The following DIAPH2 variants were observed in gnomAD, a reference collection of about 807,000 sequenced individuals.
DIAPH2 encodes diaphanous related formin 2.
In DIAPH2, 35 loss-of-function variants were observed where a neutral mutation model predicts 92.7. That is an observed-to-expected ratio of 0.38 (90% CI 0.29 to 0.50). The LOEUF (loss-of-function observed/expected upper bound fraction) is 0.50, where lower values mean the gene tolerates loss of function less well. Ranked by LOEUF, DIAPH2 falls within the 20% of genes least tolerant of loss-of-function variation. The pLI is 0.94. For synonymous variants in DIAPH2, 301 were observed against 280.4 expected, an observed-to-expected ratio of 1.07 and a Z score of -0.73; for missense variants, 701 against 819.5, an observed-to-expected ratio of 0.86 and a Z score of 1.77.
chrX:96,950,503 T>C (rs953935968), intron 15 of DIAPH2, among the ~76,000 whole-genome samples: 7 of 111,713 alleles, frequency 6.3e-5, no homozygotes, highest in Non-Finnish European at 1.3e-4. Flanking sequence ...ACTGACAAAT[T>C]AAGCTAGTCA....
chrX:97,144,997 C>T (rs1173920195), intron 22 of DIAPH2, among the ~76,000 whole-genome samples: 1 of 111,607 alleles, frequency 9.0e-6, no homozygotes, highest in Non-Finnish European at 1.9e-5. Flanking sequence ...AAACTCCTGA[C>T]CTTGTGATCC....
At chrX:97,066,675 A>G (rs1167584535) in intron 17 of DIAPH2, among the ~76,000 whole-genome samples, 1 of 112,199 alleles carries the variant, frequency 8.9e-6, no homozygotes, top group Non-Finnish European at 1.9e-5. Flanking sequence ...ATTGAGGCCC[A>G]TTTGAAAATA....
chrX:97,564,099 A>G (rs1439922912), intron 26 of DIAPH2, among the ~76,000 whole-genome samples: 1 of 112,148 alleles, frequency 8.9e-6, no homozygotes, highest in African/African-American at 3.2e-5. Context: ...CAAAACAATT[A>G]GTGCTCTTCT....
At chrX:96,984,927 A>C (rs2066021338) in intron 17 of DIAPH2, among the ~76,000 whole-genome samples, 1 of 111,720 alleles carries the variant, frequency 9.0e-6, no homozygotes, top group Admixed American at 9.6e-5. Flanking sequence ...AACCTGTACG[A>C]CAATGTTGTT....
At chrX:97,320,545 T>C (rs1308054347) in intron 23 of DIAPH2, among the ~76,000 whole-genome samples, 1 of 110,061 alleles carries the variant, frequency 9.1e-6, no homozygotes, top group African/African-American at 3.3e-5. Context: ...TGAAACCCTG[T>C]CTATACTAAA....
intron 17 of DIAPH2, among the ~76,000 whole-genome samples, chrX:97,055,715 G>A (rs944146291): frequency 9.0e-6 from 1 of 111,418 alleles, no homozygotes; most frequent in African/African-American, 3.3e-5. Flanking sequence ...AATATATAAG[G>A]AGTAGGTAGA....
chrX:97,021,159 A>G (rs2066294719), intron 17 of DIAPH2, among the ~76,000 whole-genome samples: 1 of 111,785 alleles, frequency 8.9e-6, no homozygotes, highest in Admixed American at 9.5e-5. Context: ...ACCATCTTTC[A>G]TTCCTCTTAG....
Position 96,956,019 on chromosome X carries a change from A to G in DIAPH2, c.1615-1809A>G, listed in dbSNP as rs190127066. On this transcript the variant is annotated intron_variant, in intron 15 of 26. Coordinates refer to ENST00000324765, the MANE Select transcript of DIAPH2 (RefSeq NM_006729.5). ...CTCTGTGTGGGGGCTCCAACCCCACATTTCCCTTCTGCACTGCCCTAGCAG... is the reference window on the plus strand; with the variant it reads ...CTCTGTGTGGGGGCTCCAACCCCACGTTTCCCTTCTGCACTGCCCTAGCAG... Among the ~76,000 whole-genome samples, 64 of 112,443 alleles carry G rather than the reference A, an allele frequency of 5.7e-4. No homozygotes were observed. The East Asian group carries it at 0.017, about 30-fold the overall frequency.
At chrX:96,775,044 CTT>C (rs887673954) in intron 4 of DIAPH2, among the ~76,000 whole-genome samples, 1 of 110,245 alleles carries the variant, frequency 9.1e-6, no homozygotes, top group Non-Finnish European at 1.9e-5. Flanking sequence ...ATCTTAAAAT[CTT>C]TTTTTTTCTT....
chrX:97,407,440 A>G (rs756200514), intron 25 of DIAPH2, among the ~76,000 whole-genome samples: 2 of 111,757 alleles, frequency 1.8e-5, no homozygotes, highest in Non-Finnish European at 3.8e-5. Flanking sequence ...AAGATACCTT[A>G]CAATTCTCTC....
At chrX:96,968,687 G>A (rs760091329) in intron 17 of DIAPH2, among the ~76,000 whole-genome samples, 1 of 112,158 alleles carries the variant, frequency 8.9e-6, no homozygotes, top group Non-Finnish European at 1.9e-5. Flanking sequence ...CAGGTTGTCT[G>A]TTTATCCTGT....
chrX:96,742,313 A>T (rs981927578), intron 3 of DIAPH2, among the ~76,000 whole-genome samples: 1 of 111,869 alleles, frequency 8.9e-6, no homozygotes, highest in Non-Finnish European at 1.9e-5. Context: ...TTGAAGTCTC[A>T]GCTGGACCAC....
intron 4 of DIAPH2, among the ~76,000 whole-genome samples, chrX:96,846,844 A>G (rs975113534): frequency 1.8e-5 from 2 of 110,122 alleles, no homozygotes; most frequent in African/African-American, 6.6e-5. Flanking sequence ...TTTGACTGAA[A>G]TCACAGTTGT....
At chrX:96,901,532 G>GTTTTTTTTTTTTTTTTTTTTTTTTTT (rs369526046) in intron 5 of DIAPH2, among the ~76,000 whole-genome samples, 3 of 33,081 alleles carry the variant, frequency 9.1e-5, no homozygotes, top group Non-Finnish European at 1.2e-4. Flanking sequence ...TTTTCTTTCT[G>GTTTTTTTTTTTTTTTTTTTTTTTTTT]TTTTTTTTTT....
chrX:96,979,261 C>G (rs956127847), intron 17 of DIAPH2, among the ~76,000 whole-genome samples: 1 of 112,184 alleles, frequency 8.9e-6, no homozygotes, highest in East Asian at 2.8e-4. Flanking sequence ...GTTATGATAT[C>G]TCTTTCTTTG....
chrX:97,033,027 A>G (rs2066387163), intron 17 of DIAPH2, among the ~76,000 whole-genome samples: 2 of 111,775 alleles, frequency 1.8e-5, no homozygotes, highest in Non-Finnish European at 3.8e-5. Context: ...ATTGTATGGT[A>G]TCCTTCCCAA....
chrX:97,137,484 G>A (rs1393865703), intron 21 of DIAPH2, among the ~76,000 whole-genome samples: 1 of 107,882 alleles, frequency 9.3e-6, no homozygotes, highest in African/African-American at 3.4e-5. Context: ...TATTGAGTGT[G>A]AGAGACTACT....
intron 4 of DIAPH2, among the ~76,000 whole-genome samples, chrX:96,809,781 C>G (rs1254696520): frequency 9.0e-6 from 1 of 111,551 alleles, no homozygotes; most frequent in African/African-American, 3.3e-5. Context: ...GGTTTTCTGT[C>G]CTTGTGATTG....
At chrX:97,411,682 G>A (rs1415771884) in intron 25 of DIAPH2, among the ~76,000 whole-genome samples, 1 of 111,729 alleles carries the variant, frequency 9.0e-6, no homozygotes, top group Admixed American at 9.5e-5. Flanking sequence ...GACACACATA[G>A]GCTCAAAATA....
Sources: gnomAD v4.1 joint callset for allele counts (sites outside exome capture counted in the v4.1 genomes callset) on GRCh38, gnomAD v4.1.1 for gene constraint, MANE v1.5 for transcripts, NCBI Gene and HGNC (gene_info 2026-07-23, HGNC 2026-07-21) for gene names.